The following PM20D2 variants were observed in gnomAD, a reference collection of about 807,000 sequenced individuals.
PM20D2 encodes xaa-Arg dipeptidase.
In PM20D2, 33 loss-of-function variants were observed where a neutral mutation model predicts 42.9. The observed-to-expected ratio is 0.77, with a 90% CI of 0.58 to 1.03. The LOEUF (loss-of-function observed/expected upper bound fraction) is 1.03. Ranked by LOEUF, PM20D2 falls within the 50% of genes least tolerant of loss-of-function variation. The pLI is 0.00. For missense variants in PM20D2, 548 were observed against 557.0 expected (o/e 0.98, Z 0.16); for synonymous variants, 250 against 228.2 (o/e 1.10, Z -0.86).
Position 89,161,859 on chromosome 6 carries a change from G to C in PM20D2, c.1125G>C (p.Leu375Phe), listed in dbSNP as rs1223934019. The change falls in exon 6 of 7, where the codon TTG (leucine) becomes TTC (phenylalanine). Residue 375 changes from leucine to phenylalanine, a missense_variant. Around this residue, in one of 3 missense-constraint regions of PM20D2, gnomAD observed 71 missense variants for 69.7 expected, o/e 1.02. Coordinates refer to ENST00000275072, the MANE Select transcript of PM20D2 (RefSeq NM_001010853.3). ...ATTTTCACATTGGATCTAATGCCTT[G>C]AATCATACTGAACAGTACACTGAAG... is the stretch of plus-strand genomic sequence containing the variant. The part of the protein sequence containing the change: ...HPYFHIGSNA[L>F]NHTEQYTEAA... 3.7e-6 allele frequency: 6 copies of C among 1,613,038 alleles called. No homozygotes were observed. The Admixed American group carries it at 5.0e-5, about 13-fold the overall frequency.
the PM20D2 span, chr6:89,098,418 A>G: frequency 4.2e-6 from 4 of 961,056 alleles, no homozygotes; most frequent in Non-Finnish European, 4.3e-6. Context: ...ATGGAGACCA[A>G]ATTTTTATTA....
chr6:89,113,498 G>A, the PM20D2 span, among the ~76,000 whole-genome samples: 4 of 151,834 alleles, frequency 2.6e-5, no homozygotes, highest in Non-Finnish European at 5.9e-5. Flanking sequence ...TAGTAGAGAT[G>A]GAGCTTCACT....
chr6:89,155,360 C>T (rs1170568262), intron 4 of PM20D2, among the ~76,000 whole-genome samples: 5 of 148,284 alleles, frequency 3.4e-5, no homozygotes, highest in African/African-American at 1.0e-4. Flanking sequence ...CTACAACCTC[C>T]GCCTTCCAGG....
chr6:89,126,778 C>T, the PM20D2 span, among the ~76,000 whole-genome samples: 15 of 152,038 alleles, frequency 9.9e-5, no homozygotes, highest in Non-Finnish European at 7.3e-5. Flanking sequence ...ACCATACTCC[C>T]TAAATATAAT....
the PM20D2 span, among the ~76,000 whole-genome samples, chr6:89,122,191 C>T: frequency 6.6e-6 from 1 of 152,218 alleles, no homozygotes; most frequent in South Asian, 2.1e-4. Context: ...CCTCTTATCT[C>T]TACCTACCTG....
intron 1 of PM20D2, 71 bp downstream of exon 1, chr6:89,146,680 T>G: frequency 8.1e-7 from 1 of 1,231,540 alleles, no homozygotes; most frequent in Non-Finnish European, 1.1e-6. Context: ...AGGGCGGGAC[T>G]CTCGTGCGTC....
chr6:89,160,135 CA>C (rs749851903), intron 5 of PM20D2, among the ~76,000 whole-genome samples: 1 of 151,984 alleles, frequency 6.6e-6, no homozygotes, highest in Non-Finnish European at 1.5e-5. Context: ...AGGCTTTTTC[CA>C]TCCTGTTCAC....
At chr6:89,146,018 G>C (rs1770521062), upstream of PM20D2, 4 of 812,530 alleles carry the variant, frequency 4.9e-6, no homozygotes, top group Non-Finnish European at 1.7e-6. Context: ...GTGGTGCCCT[G>C]GGAGCTGTGT....
the PM20D2 span, among the ~76,000 whole-genome samples, chr6:89,121,032 G>GA: frequency 8.6e-5 from 13 of 151,576 alleles, no homozygotes; most frequent in African/African-American, 2.9e-4. Context: ...TATAAATATA[G>GA]AAAAAAACCA....
the PM20D2 span, among the ~76,000 whole-genome samples, chr6:89,124,063 G>A: frequency 2.0e-5 from 3 of 152,106 alleles, no homozygotes; most frequent in Admixed American, 6.6e-5. Context: ...ACAAAACCAT[G>A]TTGGAAATTC....
At chr6:89,112,447 C>CTT in the PM20D2 span, among the ~76,000 whole-genome samples, 10 of 128,874 alleles carry the variant, frequency 7.8e-5, no homozygotes, top group East Asian at 2.2e-4. Context: ...TCTTTTCTTT[C>CTT]TTTTTTTTTT....
the PM20D2 span, among the ~76,000 whole-genome samples, chr6:89,110,444 G>A: frequency 1.3e-5 from 2 of 152,178 alleles, no homozygotes; most frequent in Non-Finnish European, 1.5e-5. Flanking sequence ...CCACCAGTCT[G>A]GTGGAGGGAG....
chr6:89,107,978 T>C, the PM20D2 span, among the ~76,000 whole-genome samples: 2 of 152,252 alleles, frequency 1.3e-5, no homozygotes, highest in Non-Finnish European at 2.9e-5. Context: ...TTTAATTTCA[T>C]GTTTATGTTA....
At chr6:89,147,340 G>A (rs1770622916) in intron 1 of PM20D2, among the ~76,000 whole-genome samples, 1 of 152,136 alleles carries the variant, frequency 6.6e-6, no homozygotes, top group African/African-American at 2.4e-5. Flanking sequence ...AGATTCAATC[G>A]TCATTCAGTT....
the PM20D2 span, chr6:89,098,989 A>G: frequency 1.9e-5 from 30 of 1,547,410 alleles, no homozygotes; most frequent in Non-Finnish European, 2.5e-5. Flanking sequence ...TTCACACAAA[A>G]TAAGAGATCA....
At chr6:89,149,555 G>A in intron 2 of PM20D2, 142 bp downstream of exon 2, 14 of 1,090,400 alleles carry the variant, frequency 1.3e-5, no homozygotes, top group Non-Finnish European at 1.8e-5. Flanking sequence ...TTGATCTATG[G>A]AGTGACATTT....
At chr6:89,107,391 A>C in the PM20D2 span, 131 of 664,522 alleles carry the variant, frequency 2.0e-4, no homozygotes, top group Middle Eastern at 2.0e-3. Context: ...TGTTTTTTGT[A>C]AGAATCATGC....
rs1022069810 is a variant in PM20D2 at position 89,157,175 on chromosome 6, C to T, written c.913-1150C>T. ...CAAACTCCTGGGCTCAAGTGATCCT[C>T]GTGCTTTGGCCTCCCAAAGTTCTGG... On this transcript the variant is annotated intron_variant, in intron 4 of 6. Coordinates refer to ENST00000275072, the MANE Select transcript of PM20D2 (RefSeq NM_001010853.3). Among the ~76,000 whole-genome samples, 3 of 152,288 alleles carry T rather than the reference C, an allele frequency of 2.0e-5. No homozygotes were observed. In the East Asian group the frequency reaches 5.8e-4, roughly 29 times the overall value.
chr6:89,127,708 A>G, the PM20D2 span, among the ~76,000 whole-genome samples: 14 of 152,202 alleles, frequency 9.2e-5, no homozygotes, highest in African/African-American at 3.4e-4. Flanking sequence ...GAAGTGTTCT[A>G]TATCTGCACT....
Sources: allele counts gnomAD v4.1 joint callset (sites outside exome capture counted in the v4.1 genomes callset), GRCh38; gene constraint gnomAD v4.1.1; regional missense constraint gnomAD v4.1.1; transcripts MANE v1.5; gene names NCBI Gene and HGNC (gene_info 2026-07-23, HGNC 2026-07-21).